The following NTRK2 variants were observed in gnomAD, a reference collection of about 807,000 sequenced individuals.
The protein encoded by NTRK2 is neurotrophic receptor tyrosine kinase 2.
In NTRK2, 13 loss-of-function variants were observed where a neutral mutation model predicts 94.5. That is an observed-to-expected ratio of 0.14 (90% CI 0.09 to 0.22). NTRK2 has a LOEUF of 0.22. Among genes scored for constraint, NTRK2 ranks in the 10% least tolerant of loss-of-function variants. The pLI is 1.00. For missense variants in NTRK2, 639 were observed against 1,071.2 expected (o/e 0.60, Z 5.63); for synonymous variants, 372 against 407.4 (o/e 0.91, Z 1.05).
intron 17 of NTRK2, among the ~76,000 whole-genome samples, chr9:84,968,897 C>T (rs1825867546): frequency 6.6e-6 from 1 of 152,194 alleles, no homozygotes; most frequent in African/African-American, 2.4e-5. Context: ...TAACCACATC[C>T]TTGAATCCAA....
chr9:84,676,590 T>C (rs759477370), intron 2 of NTRK2, among the ~76,000 whole-genome samples: 1 of 152,212 alleles, frequency 6.6e-6, no homozygotes, highest in African/African-American at 2.4e-5. Flanking sequence ...GTGAAGAAAG[T>C]TGCCGAAGGC....
At position 84,807,070 on chromosome 9, in the gene NTRK2, A is replaced by G. The variant is rs185691399; in HGVS notation, c.1397-53970A>G. On this transcript the variant is annotated intron_variant, in intron 12 of 18. Transcript: ENST00000277120. Reference sequence around the variant, plus strand: ...AATGTGATAAGATTTGCTTTTTTAGATAGCAGCTGCATCTTTCTTCCGTTC... The same window carrying G: ...AATGTGATAAGATTTGCTTTTTTAGGTAGCAGCTGCATCTTTCTTCCGTTC... Among the ~76,000 whole-genome samples the G allele has an allele frequency of 1.6e-4, 24 of 152,302 alleles. No individual in the cohort carries two copies. In the East Asian group the frequency reaches 4.6e-3, roughly 29 times the overall value.
At chr9:84,929,311 A>G (rs1023781604) in intron 14 of NTRK2, among the ~76,000 whole-genome samples, 1 of 152,162 alleles carries the variant, frequency 6.6e-6, no homozygotes, top group African/African-American at 2.4e-5. Context: ...TCTGGCACTC[A>G]TGGGACAAAT....
At chr9:84,822,533 TGAGA>T (rs1275607309) in intron 12 of NTRK2, among the ~76,000 whole-genome samples, 1 of 151,940 alleles carries the variant, frequency 6.6e-6, no homozygotes, top group East Asian at 1.9e-4. Context: ...AACTCTTGGG[TGAGA>T]GAAACTGGGA....
At chr9:84,859,363 A>G (rs559209387) in intron 12 of NTRK2, among the ~76,000 whole-genome samples, 1 of 152,334 alleles carries the variant, frequency 6.6e-6, no homozygotes, top group South Asian at 2.1e-4. Context: ...TGTTGGTGAA[A>G]GTGAGACCTG....
chr9:84,696,965 T>C (rs1436779288), intron 2 of NTRK2, among the ~76,000 whole-genome samples: 1 of 152,110 alleles, frequency 6.6e-6, no homozygotes, highest in Non-Finnish European at 1.5e-5. Flanking sequence ...GTCCTGTATA[T>C]GGACTTGGTA....
At chr9:84,862,336 C>A (rs61003031) in intron 13 of NTRK2, among the ~76,000 whole-genome samples, 4,010 of 152,206 alleles carry the variant, frequency 0.026, 189 homozygotes, top group African/African-American at 0.091. Flanking sequence ...TGTATGCGTG[C>A]GTAGGTGTAT....
chr9:84,751,349 G>C (rs2064588629), intron 11 of NTRK2, among the ~76,000 whole-genome samples: 1 of 152,160 alleles, frequency 6.6e-6, no homozygotes, highest in South Asian at 2.1e-4. Flanking sequence ...GGAGGTGTAG[G>C]TGGAAGAATT....
At chr9:84,933,371 T>C (rs1306314853) in intron 14 of NTRK2, among the ~76,000 whole-genome samples, 1 of 152,160 alleles carries the variant, frequency 6.6e-6, no homozygotes, top group Admixed American at 6.5e-5. Flanking sequence ...CCAATGAGCT[T>C]CTGAGGACCC....
intron 14 of NTRK2, chr9:84,875,392 C>T (rs534297961): frequency 3.6e-5 from 38 of 1,061,200 alleles, no homozygotes; most frequent in Middle Eastern, 4.2e-4. Context: ...CTGTGTTATG[C>T]GCTGGAAAGA....
At chr9:84,947,406 GGAAGT>G (rs1284565387) in intron 15 of NTRK2, among the ~76,000 whole-genome samples, 3 of 152,234 alleles carry the variant, frequency 2.0e-5, no homozygotes, top group Non-Finnish European at 4.4e-5. Context: ...CCCAGGATTA[GGAAGT>G]GAACAGCCTT....
chr9:84,848,178 T>A (rs899115391), intron 12 of NTRK2, among the ~76,000 whole-genome samples: 1 of 152,096 alleles, frequency 6.6e-6, no homozygotes, highest in Non-Finnish European at 1.5e-5. Flanking sequence ...GGACCTACCC[T>A]TGTGAACTCA....
At chr9:84,917,005 G>T (rs1329886793) in intron 14 of NTRK2, among the ~76,000 whole-genome samples, 2 of 152,046 alleles carry the variant, frequency 1.3e-5, no homozygotes, top group Non-Finnish European at 2.9e-5. Flanking sequence ...CCTTCTCCTG[G>T]TCCTGTTAAT....
chr9:84,787,624 G>T (rs1369460948), intron 12 of NTRK2, among the ~76,000 whole-genome samples: 1 of 152,098 alleles, frequency 6.6e-6, no homozygotes, highest in Non-Finnish European at 1.5e-5. Context: ...TAGAAGTCAG[G>T]CAAAACCCTC....
In NTRK2 at chr9:84,938,097, G is replaced by A. The variant is rs529033279; in HGVS notation, c.1764+3805G>A. Reference sequence around the variant, plus strand: ...GGAAGTTGAGTGACTTCCCCAAGGTGTAAGTTAAAGTGAATCAGAGGTGTT... The same window carrying A: ...GGAAGTTGAGTGACTTCCCCAAGGTATAAGTTAAAGTGAATCAGAGGTGTT... On this transcript the variant is annotated intron_variant, in intron 15 of 18. Coordinates refer to ENST00000277120, the MANE Select transcript of NTRK2 (RefSeq NM_006180.6). Among the ~76,000 whole-genome samples the A allele has an allele frequency of 4.3e-4, 66 of 152,294 alleles. 2 individuals carry two copies. In the South Asian group the frequency reaches 0.012, roughly 29 times the overall value.
chr9:84,829,139 C>T (rs758911146), intron 12 of NTRK2, among the ~76,000 whole-genome samples: 2 of 152,052 alleles, frequency 1.3e-5, no homozygotes, highest in African/African-American at 2.4e-5. Context: ...GCTGGGATTA[C>T]AGGCGGGTGC....
At chr9:84,855,811 C>T (rs2075037671) in intron 12 of NTRK2, among the ~76,000 whole-genome samples, 2 of 152,152 alleles carry the variant, frequency 1.3e-5, no homozygotes, top group Non-Finnish European at 2.9e-5. Context: ...CTTGAAATTG[C>T]CCTGTGCTAT....
chr9:84,892,593 A>G (rs2076625661), intron 14 of NTRK2, among the ~76,000 whole-genome samples: 1 of 152,236 alleles, frequency 6.6e-6, no homozygotes, highest in Admixed American at 6.5e-5. Flanking sequence ...GCTGAAGAAA[A>G]CAGGACACTT....
At position 84,708,136 on chromosome 9, in the gene NTRK2, A is replaced by G. The variant is rs562857628; in HGVS notation, c.428+224A>G. Among the ~76,000 whole-genome samples, 3 of 152,344 alleles carry G rather than the reference A, an allele frequency of 2.0e-5. No homozygotes were observed. The South Asian group carries it at 6.2e-4, about 32-fold the overall frequency. ...AAAATAGAAATCTCAGTAGTGACAT[A>G]TCATTTCTGATTCATTTAAATGTTG... On this transcript the variant is annotated intron_variant, in intron 5 of 18. Transcript: ENST00000277120.
Sources: gnomAD v4.1 joint callset for allele counts (sites outside exome capture counted in the v4.1 genomes callset) on GRCh38, gnomAD v4.1.1 for gene constraint, MANE v1.5 for transcripts, NCBI Gene and HGNC (gene_info 2026-07-23, HGNC 2026-07-21) for gene names.